NUP210L: variants seen among roughly 807,000 people sequenced by gnomAD.
The protein encoded by NUP210L is nuclear pore membrane glycoprotein 210-like.
Under a neutral mutation model 208.5 loss-of-function variants are expected in NUP210L, and 74 were observed. The ratio of observed to expected loss-of-function variants is 0.35; its 90% confidence interval spans 0.29 to 0.43. The LOEUF (loss-of-function observed/expected upper bound fraction) is 0.43, where lower values mean the gene tolerates loss of function less well. Ranked by LOEUF, NUP210L falls within the 20% of genes least tolerant of loss-of-function variation. The pLI, the probability that NUP210L is intolerant of heterozygous loss-of-function variation, is 1.00. For synonymous variants in NUP210L, 780 were observed against 816.9 expected, an observed-to-expected ratio of 0.95 and a Z score of 0.77; for missense variants, 1,843 against 2,289.4, an observed-to-expected ratio of 0.81 and a Z score of 3.98.
intron 10 of NUP210L, among the ~76,000 whole-genome samples, chr1:154,124,753 A>G (rs1657794586): frequency 6.6e-6 from 1 of 152,050 alleles, no homozygotes; most frequent in African/African-American, 2.4e-5. Flanking sequence ...GGAGTTTGAG[A>G]CCATTGTGGG....
At chr1:154,006,946 G>GTATATA (rs1553219854) in intron 35 of NUP210L, among the ~76,000 whole-genome samples, 3 of 95,444 alleles carry the variant, frequency 3.1e-5, no homozygotes, top group Admixed American at 1.4e-4. Context: ...GTGTGTGTGT[G>GTATATA]TATATATATA....
At chr1:154,142,607 G>A (rs1454651626) in intron 3 of NUP210L, among the ~76,000 whole-genome samples, 1 of 152,086 alleles carries the variant, frequency 6.6e-6, no homozygotes, top group African/African-American at 2.4e-5. Context: ...AGAAAAGTTC[G>A]GAGGCCAGTG....
chr1:154,070,160 C>A (rs1654635683), intron 17 of NUP210L, 113 bp downstream of exon 17: 2 of 785,118 alleles, frequency 2.5e-6, no homozygotes, highest in Admixed American at 2.5e-5. Flanking sequence ...TGTAACAAAC[C>A]TGCACGTTGT....
chr1:154,120,374 A>T (rs1313068943), intron 10 of NUP210L, among the ~76,000 whole-genome samples: 2 of 152,108 alleles, frequency 1.3e-5, no homozygotes, highest in Non-Finnish European at 2.9e-5. Flanking sequence ...AACTATCACA[A>T]GGACAAAAAA....
At chr1:154,035,442 G>A (rs1652480402) in intron 27 of NUP210L, among the ~76,000 whole-genome samples, 1 of 150,326 alleles carries the variant, frequency 6.7e-6, no homozygotes, top group Non-Finnish European at 1.5e-5. Context: ...TTGCTGCCCA[G>A]GCTGGAGTGC....
chr1:154,012,432 T>A (rs1369238862), intron 33 of NUP210L, 62 bp from the exon 34 acceptor site: 1 of 1,529,552 alleles, frequency 6.5e-7, no homozygotes, highest in East Asian at 2.3e-5. Flanking sequence ...TCCTTCCAGA[T>A]CCACCCCTCA....
intron 25 of NUP210L, among the ~76,000 whole-genome samples, chr1:154,052,380 G>A (rs1222817821): frequency 6.6e-6 from 1 of 152,160 alleles, no homozygotes; most frequent in Non-Finnish European, 1.5e-5. Context: ...GACTGATGCT[G>A]AGGAGGACCC....
chr1:154,134,899 G>A (rs558742172), intron 7 of NUP210L, among the ~76,000 whole-genome samples: 1 of 151,472 alleles, frequency 6.6e-6, no homozygotes, highest in Non-Finnish European at 1.5e-5. Context: ...CACCACGCCC[G>A]GCTAATTTTT....
intron 12 of NUP210L, among the ~76,000 whole-genome samples, chr1:154,110,962 T>A (rs1378046640): frequency 6.9e-6 from 1 of 144,314 alleles, no homozygotes; most frequent in African/African-American, 2.6e-5. Flanking sequence ...AGAGCGGAAA[T>A]AAATGAAATA....
intron 7 of NUP210L, among the ~76,000 whole-genome samples, chr1:154,133,538 A>T (rs1165101552): frequency 1.5e-5 from 2 of 137,560 alleles, no homozygotes; most frequent in African/African-American, 5.3e-5. Context: ...CTCTATCTCT[A>T]AAAAAAAAAA....
At chr1:154,061,789 AG>A in intron 17 of NUP210L, 115 bp from the exon 18 acceptor site, 1 of 697,322 alleles carries the variant, frequency 1.4e-6, no homozygotes, top group Non-Finnish European at 2.5e-6. Flanking sequence ...ATTGCAGGGG[AG>A]GAAAAACTCT....
intron 12 of NUP210L, among the ~76,000 whole-genome samples, chr1:154,116,446 G>A (rs1025860018): frequency 8.6e-5 from 13 of 151,004 alleles, no homozygotes; most frequent in African/African-American, 3.2e-4. Context: ...AAAAAAAATG[G>A]GGCTGGGTAC....
intron 12 of NUP210L, among the ~76,000 whole-genome samples, chr1:154,108,468 T>TCAACAACACATTTTTTTTAAAAATC (rs1557982146): frequency 4.6e-5 from 7 of 151,954 alleles, no homozygotes; most frequent in African/African-American, 1.7e-4. Context: ...GCAACCAGCC[T>TCAACAACACATTTTTTTTAAAAATC]AGAGTTTTGA....
chr1:154,012,248 A>C, exon 34 of NUP210L: 1 of 1,613,692 alleles, frequency 6.2e-7, no homozygotes, highest in Non-Finnish European at 8.5e-7. Context: ...CCTGACCTTT[A>C]AGATTGACAC....
At chr1:154,097,143 T>C (rs920058828) in intron 14 of NUP210L, among the ~76,000 whole-genome samples, 1 of 152,132 alleles carries the variant, frequency 6.6e-6, no homozygotes, top group South Asian at 2.1e-4. Context: ...ATAGATGGCC[T>C]TTCTGAAAAA....
At chr1:154,008,788 G>C (rs1650724768) in intron 35 of NUP210L, among the ~76,000 whole-genome samples, 1 of 152,144 alleles carries the variant, frequency 6.6e-6, no homozygotes, top group African/African-American at 2.4e-5. Context: ...CCTGCTGTCA[G>C]GTATTATAAA....
intron 33 of NUP210L, among the ~76,000 whole-genome samples, chr1:154,014,915 A>C (rs1417912976): frequency 6.6e-6 from 1 of 152,050 alleles, no homozygotes. Context: ...GAGGCACGAG[A>C]ATTGCTTGAA....
At chr1:154,095,469 A>G (rs904791031) in intron 14 of NUP210L, among the ~76,000 whole-genome samples, 7 of 152,188 alleles carry the variant, frequency 4.6e-5, no homozygotes, top group Non-Finnish European at 8.8e-5. Context: ...TTCATTTCCT[A>G]ATGTTATTAT....
At chr1:154,099,891 A>T in intron 14 of NUP210L, 107 bp downstream of exon 14, 1 of 1,129,390 alleles carries the variant, frequency 8.9e-7, no homozygotes, top group East Asian at 2.4e-5. Context: ...AGAGAACATA[A>T]ATGTCATTGA....
Sources: gnomAD v4.1 joint callset for allele counts (sites outside exome capture counted in the v4.1 genomes callset) on GRCh38, gnomAD v4.1.1 for gene constraint, MANE v1.5 for transcripts, NCBI Gene and HGNC (gene_info 2026-07-23, HGNC 2026-07-21) for gene names.